Variants in ACYP2 observed in about 807,000 individuals in gnomAD.
ACYP2 encodes acylphosphatase 2, also known as acylphosphatase-2.
Under a neutral mutation model 11.2 loss-of-function variants are expected in ACYP2, and 12 were observed. The observed-to-expected ratio is 1.08, with a 90% CI of 0.69 to 1.74. The LOEUF is 1.74. Among genes scored for constraint, ACYP2 ranks in the 40% most tolerant of loss-of-function variants. The pLI, the probability that ACYP2 is intolerant of heterozygous loss-of-function variation, is 0.00. For missense variants in ACYP2, 134 were observed against 101.9 expected (o/e 1.31, Z -1.35); for synonymous variants, 43 against 32.2 (o/e 1.33, Z -1.13).
At chr2:54,086,783 C>A (rs146617178) in intron 4 of ACYP2, among the ~76,000 whole-genome samples, 6 of 152,260 alleles carry the variant, frequency 3.9e-5, no homozygotes, top group Admixed American at 2.0e-4. Context: ...ACTCTTGTTC[C>A]CATTTAAACT....
At chr2:54,256,297 G>T in intron 6 of ACYP2, 1 of 828,544 alleles carries the variant, frequency 1.2e-6, no homozygotes, top group Non-Finnish European at 1.9e-6. Context: ...TCAGTCTCGC[G>T]ACACTCACTC....
At chr2:54,095,477 C>T (rs1253731720) in intron 4 of ACYP2, among the ~76,000 whole-genome samples, 2 of 151,582 alleles carry the variant, frequency 1.3e-5, no homozygotes, top group Non-Finnish European at 2.9e-5. Context: ...AGAGGCGCCC[C>T]TCACCTCCCG....
chr2:54,099,529 C>T (rs571343850), intron 4 of ACYP2, among the ~76,000 whole-genome samples: 42 of 152,210 alleles, frequency 2.8e-4, no homozygotes, highest in African/African-American at 8.9e-4. Context: ...TGAGATCATG[C>T]GATATTTGTC....
intron 3 of ACYP2, among the ~76,000 whole-genome samples, chr2:54,053,515 A>G (rs1386499277): frequency 6.6e-6 from 1 of 152,194 alleles, no homozygotes; most frequent in Non-Finnish European, 1.5e-5. Context: ...CCTCACACCT[A>G]CAGTGGCTCT....
intron 6 of ACYP2, among the ~76,000 whole-genome samples, chr2:54,200,639 G>A (rs1684715682): frequency 6.6e-6 from 1 of 152,126 alleles, no homozygotes; most frequent in Non-Finnish European, 1.5e-5. Context: ...GCCACATTTT[G>A]TTGATCCATT....
At chr2:53,982,040 ATATAG>A (rs1671789998) in intron 2 of ACYP2, among the ~76,000 whole-genome samples, 1 of 152,210 alleles carries the variant, frequency 6.6e-6, no homozygotes, top group Non-Finnish European at 1.5e-5. Context: ...TCATAATCAA[ATATAG>A]TAAAGAGATG....
At chr2:54,083,845 C>A (rs1413673511) in intron 4 of ACYP2, among the ~76,000 whole-genome samples, 1 of 152,178 alleles carries the variant, frequency 6.6e-6, no homozygotes, top group Non-Finnish European at 1.5e-5. Context: ...TGACCCAGGG[C>A]AGATCCAGGT....
chr2:54,149,699 C>T (rs998963593), intron 6 of ACYP2, among the ~76,000 whole-genome samples: 2 of 152,164 alleles, frequency 1.3e-5, no homozygotes, highest in East Asian at 1.9e-4. Context: ...ATTAAAATTA[C>T]ATCTTGATTG....
chr2:54,142,370 G>C (rs1250197696), intron 6 of ACYP2: 1 of 152,532 alleles, frequency 6.6e-6, no homozygotes, highest in African/African-American at 2.4e-5. Context: ...TCCATTTTAT[G>C]TCTTAGGATC....
chr2:54,051,043 G>C lies in ACYP2; in HGVS notation c.148G>C (p.Asp50His), dbSNP rs1024094937. The C allele has an allele frequency of 2.0e-6, 1 of 489,576 alleles. No homozygotes were observed. The highest frequency in any genetic ancestry group is 3.6e-6 in the Non-Finnish European group (1 of 279,928). 30.3% of individuals were successfully genotyped at this position (489,576 alleles called of 1,614,324 possible). Residue 50 changes from aspartate to histidine, a missense_variant, in exon 3 of 7, where the codon GAT becomes CAT. Transcript: ENST00000607452. ...CTGCCTCGGCCTCCCATGCTGTTGG[G>C]ATTACAGGTGAGAACCACCGTCCTT...
intron 6 of ACYP2, among the ~76,000 whole-genome samples, chr2:54,295,663 G>C (rs1396130362): frequency 1.3e-5 from 2 of 152,116 alleles, no homozygotes; most frequent in Admixed American, 1.3e-4. Flanking sequence ...ATTGACCTAT[G>C]ATTGTACATA....
intron 4 of ACYP2, among the ~76,000 whole-genome samples, chr2:54,069,599 T>G (rs571538743): frequency 6.6e-6 from 1 of 152,174 alleles, no homozygotes; most frequent in South Asian, 2.1e-4. Context: ...GAGGCGGAGC[T>G]TGCAGTGAGC....
chr2:54,276,429 A>G (rs560401175), intron 6 of ACYP2, among the ~76,000 whole-genome samples: 20 of 152,162 alleles, frequency 1.3e-4, no homozygotes, highest in Non-Finnish European at 2.8e-4. Flanking sequence ...TTGCATTACC[A>G]TGATGGAGTT....
intron 6 of ACYP2, among the ~76,000 whole-genome samples, chr2:54,235,403 C>G (rs752255879): frequency 2.0e-5 from 3 of 152,078 alleles, no homozygotes; most frequent in South Asian, 2.1e-4. Flanking sequence ...GGCTGGAGTC[C>G]AGTGGCGCAA....
At chr2:54,121,060 T>G (rs1467916963) in intron 4 of ACYP2, among the ~76,000 whole-genome samples, 5 of 152,202 alleles carry the variant, frequency 3.3e-5, no homozygotes, top group African/African-American at 1.2e-4. Flanking sequence ...AGCATGAGCA[T>G]ATGTTACAGC....
At chr2:54,267,341 G>C in intron 6 of ACYP2, 4 of 1,548,794 alleles carry the variant, frequency 2.6e-6, no homozygotes, top group Non-Finnish European at 3.5e-6. Flanking sequence ...AAACAAGATA[G>C]GGCAACAGCT....
At chr2:54,087,744 T>G (rs1215639539) in intron 4 of ACYP2, among the ~76,000 whole-genome samples, 1 of 152,184 alleles carries the variant, frequency 6.6e-6, no homozygotes, top group South Asian at 2.1e-4. Flanking sequence ...GATGGGTGAA[T>G]AAGTGGATAA....
chr2:54,062,354 T>C (rs892676933), intron 4 of ACYP2, among the ~76,000 whole-genome samples: 18 of 152,240 alleles, frequency 1.2e-4, no homozygotes, highest in Admixed American at 6.5e-4. Flanking sequence ...TCTGGTAGAT[T>C]ATTTTGTAAG....
At chr2:54,268,826 G>T (rs1019099805) in intron 6 of ACYP2, among the ~76,000 whole-genome samples, 5 of 152,022 alleles carry the variant, frequency 3.3e-5, no homozygotes, top group African/African-American at 1.2e-4. Context: ...TTTTAAGGTT[G>T]TGAGTTTTTC....
Sources: gnomAD v4.1 joint callset for allele counts (sites outside exome capture counted in the v4.1 genomes callset) on GRCh38, gnomAD v4.1.1 for gene constraint, MANE v1.5 for transcripts, NCBI Gene and HGNC (gene_info 2026-07-23, HGNC 2026-07-21) for gene names.